ZNF701: variants seen among roughly 807,000 people sequenced by gnomAD.
The protein encoded by ZNF701 is zinc finger protein 701.
In ZNF701, 6 loss-of-function variants were observed where a neutral mutation model predicts 7.1. That is an observed-to-expected ratio of 0.84 (90% confidence interval 0.46 to 1.66). ZNF701 has a LOEUF of 1.66. ZNF701 is among the 40% of genes most tolerant of loss of function. The pLI is 0.01. For missense variants in ZNF701, 541 were observed against 559.2 expected, an observed-to-expected ratio of 0.97 and a Z score of 0.33; for synonymous variants, 166 against 188.2, an observed-to-expected ratio of 0.88 and a Z score of 0.97.
At position 52,574,114 on chromosome 19, in the gene ZNF701, A is replaced by C; in HGVS notation, c.-34A>C. The C allele has an allele frequency of 1.2e-6, 2 of 1,612,402 alleles. No homozygotes were observed. Among genetic ancestry groups the C allele is most frequent in the Non-Finnish European group, 1.7e-6 (2 of 1,179,344 alleles). On this transcript the variant is annotated 5_prime_UTR_variant, in exon 2 of 4. Coordinates refer to ENST00000391785, the MANE Select transcript of ZNF701 (RefSeq NM_018260.3). ...AAGACTTGGTACGTGAGGAAAAAAC[A>C]CGGAAGAGGAAGAGGAAAGCAAAGG... is the stretch of plus-strand genomic sequence containing the variant.
At position 52,585,310 on chromosome 19, in the gene ZNF701, A is replaced by G. The variant is rs376745529; in HGVS notation, c.*1853A>G. The G allele has an allele frequency of 4.2e-3, 642 of 151,782 alleles. 4 individuals carry two copies. Among genetic ancestry groups the G allele is most frequent in the African/African-American group, 0.013 (522 of 41,264 alleles). 9.4% of individuals were successfully genotyped at this position (151,782 alleles called of 1,614,324 possible). A position where few individuals can be genotyped will look rare whatever the true frequency, so the allele number is the denominator to read the frequency against. On this transcript the variant is annotated 3_prime_UTR_variant, in exon 4 of 4. Transcript: ENST00000391785. Reference sequence around the variant, plus strand: ...GCCTGGAGGGCAGCGCTGCAGCCCCACTCCCGGGAAGGCCGCGTCCTCTGC... The same window carrying G: ...GCCTGGAGGGCAGCGCTGCAGCCCCGCTCCCGGGAAGGCCGCGTCCTCTGC...
At chr19:52,571,239 A>G (rs1346523900) in intron 1 of ZNF701, among the ~76,000 whole-genome samples, 1 of 151,484 alleles carries the variant, frequency 6.6e-6, no homozygotes, top group East Asian at 1.9e-4. Context: ...AGAGTGAGAG[A>G]GAGAGAGAGA....
At chr19:52,587,331 C>T (rs1173041800), downstream of ZNF701, among the ~76,000 whole-genome samples, 1 of 152,138 alleles carries the variant, frequency 6.6e-6, no homozygotes. Context: ...GACTTCATCT[C>T]CTGCCTGTGT....
Position 52,583,744 on chromosome 19 carries a change from C to G in ZNF701, c.*287C>G, listed in dbSNP as rs2059991953. ...TGTGGCAGAGCCTTTGGTGGTCAGT[C>G]AACACTTACTCACCATCAAGCAATC... is the stretch of plus-strand genomic sequence containing the variant. On this transcript the variant is annotated 3_prime_UTR_variant, in exon 4 of 4. Transcript: ENST00000391785. 1 of 697,790 alleles carries G rather than the reference C, an allele frequency of 1.4e-6. No individual in the cohort carries two copies. Among genetic ancestry groups the G allele is most frequent in the Non-Finnish European group, 2.6e-6 (1 of 387,714 alleles). The allele number at this position is 697,790 out of a possible 1,614,324, so 43.2% of individuals were successfully genotyped here.
chr19:52,587,698 G>C (rs147217514), downstream of ZNF701, among the ~76,000 whole-genome samples: 704 of 152,300 alleles, frequency 4.6e-3, 4 homozygotes, highest in Admixed American at 7.4e-3. Flanking sequence ...GGGCTGTGCT[G>C]GGCTGGCGCC....
At position 52,575,900 on chromosome 19, in the gene ZNF701, A is replaced by G. The variant is rs1202497298; in HGVS notation, c.21A>G (p.Leu7=). The G allele has an allele frequency of 6.6e-7, 1 of 1,515,386 alleles. No individual in the cohort carries two copies. The highest frequency in any genetic ancestry group is 8.9e-7 in the Non-Finnish European group (1 of 1,125,312). The allele number at this position is 1,515,386 out of a possible 1,614,324, so 93.9% of individuals were successfully genotyped here. Residue 7 remains leucine (L), a synonymous_variant, in exon 3 of 4, where the codon CTA becomes CTG. Coordinates refer to ENST00000391785, the MANE Select transcript of ZNF701 (RefSeq NM_018260.3). ...AAAATGTGTTTTCCTTTCAGGGTCTACTGACATTCAGGGATGTGGCCATAG... is the reference window on the plus strand; with the variant it reads ...AAAATGTGTTTTCCTTTCAGGGTCTGCTGACATTCAGGGATGTGGCCATAG... The part of the protein sequence containing the change: MALLQG[L]LTFRDVAIEF...
intron 3 of ZNF701, among the ~76,000 whole-genome samples, chr19:52,580,953 A>G (rs967091044): frequency 5.0e-5 from 4 of 79,334 alleles, no homozygotes; most frequent in African/African-American, 1.2e-4. Flanking sequence ...GTGAAACCCC[A>G]TCTCTACTAA....
chr19:52,595,692 C>A, the ZNF701 span: 3 of 1,421,388 alleles, frequency 2.1e-6, no homozygotes, highest in African/African-American at 2.8e-5. Flanking sequence ...CACACAGGGA[C>A]GTTGCAAATA....
In ZNF701 at chr19:52,583,164, C is replaced by G; in HGVS notation, c.1105C>G (p.Leu369Val). The G allele has an allele frequency of 1.2e-6, 2 of 1,613,610 alleles. No individual in the cohort carries two copies. The highest frequency in any genetic ancestry group is 1.7e-6 in the Non-Finnish European group (2 of 1,179,812). The stretch of plus-strand genomic sequence containing the variant: ...CAAGGCTTTCAGACGTGATTCACAC[C>G]TGGCACAACATACTGTAATTCACAC... ...CDKAFRRDSH[L>V]AQHTVIHTGE... Residue 369 changes from leucine (L) to valine (V), a missense_variant, in exon 4 of 4, where the codon CTG (leucine) becomes GTG (valine). By Grantham distance (32) the Leu-to-Val change is conservative (BLOSUM62 1). Coordinates refer to ENST00000391785, the MANE Select transcript of ZNF701 (RefSeq NM_018260.3).
intron 1 of ZNF701, among the ~76,000 whole-genome samples, chr19:52,571,972 T>A (rs143079183): frequency 6.6e-6 from 1 of 151,946 alleles, no homozygotes; most frequent in African/African-American, 2.4e-5. Context: ...TACAGGCATG[T>A]GCCACCACAC....
the ZNF701 span, chr19:52,595,865 G>A: frequency 1.9e-5 from 30 of 1,612,872 alleles, no homozygotes; most frequent in Non-Finnish European, 2.4e-5. Flanking sequence ...TCAAAGACAT[G>A]CTGGAAACAA....
chr19:52,596,830 A>T, the ZNF701 span: 1 of 543,580 alleles, frequency 1.8e-6, no homozygotes, highest in Non-Finnish European at 3.8e-6. Context: ...CACACCTTGC[A>T]TGTCATCATA....
rs1162663946 is a variant in ZNF701, at chr19:52,582,710, T to A, written c.651T>A (p.Arg217=). The A allele has an allele frequency of 6.2e-7, 1 of 1,614,130 alleles. No homozygotes were observed. Among genetic ancestry groups the A allele is most frequent in the African/African-American group, 1.3e-5 (1 of 75,028 alleles). ...ACACAAGAGAAAAATCTTTCCAACG[T>A]AATGAGAGTGGCAAAGCCTTTAATG... ...EVHTREKSFQ[R]NESGKAFNGS... Residue 217 remains arginine, a synonymous_variant, in exon 4 of 4, where the codon CGT becomes CGA. Coordinates refer to ENST00000391785, the MANE Select transcript of ZNF701 (RefSeq NM_018260.3).
chr19:52,592,145 A>C, downstream of ZNF701: 2 of 1,425,282 alleles, frequency 1.4e-6, no homozygotes, highest in East Asian at 2.3e-5. Flanking sequence ...TTCTCTTTGG[A>C]GGAGTGGAAA....
the ZNF701 span, chr19:52,596,174 G>A: frequency 7.9e-5 from 53 of 667,600 alleles, 1 homozygote; most frequent in Middle Eastern, 5.5e-4. Context: ...GAGACATCAC[G>A]TAACCCATTC....
chr19:52,582,461 A>G lies in ZNF701; in HGVS notation c.402A>G (p.Lys134=). The change falls in exon 4 of 4, where the codon AAA becomes AAG. Residue 134 remains lysine, a synonymous_variant. Transcript: ENST00000391785. ...ERHDQRHAGN[K]PIKNELGSSF... ...ATGATCAAAGGCATGCTGGAAACAA[A>G]CCTATTAAAAATGAGCTTGGATCAA... is the stretch of plus-strand genomic sequence containing the variant. 1.2e-6 allele frequency: 2 copies of G among 1,614,188 alleles called. No homozygotes were observed. The highest frequency in any genetic ancestry group is 1.7e-6 in the Non-Finnish European group (2 of 1,180,038).
intron 3 of ZNF701, among the ~76,000 whole-genome samples, chr19:52,578,439 A>G (rs1017103602): frequency 4.6e-5 from 7 of 152,190 alleles, no homozygotes; most frequent in Admixed American, 2.6e-4. Context: ...CTTGTATGCA[A>G]TAAATATCAG....
intron 3 of ZNF701, among the ~76,000 whole-genome samples, chr19:52,578,832 A>T (rs2059955277): frequency 6.6e-6 from 1 of 152,092 alleles, no homozygotes; most frequent in Non-Finnish European, 1.5e-5. Context: ...ATCTCGGCTC[A>T]CTGCAAGCTC....
chr19:52,578,788 T>C (rs8111002), intron 3 of ZNF701, among the ~76,000 whole-genome samples: 34 of 152,284 alleles, frequency 2.2e-4, no homozygotes, highest in East Asian at 1.2e-3. Context: ...AACGGAGTCT[T>C]GCTCTGTCGC....
Sources: gnomAD v4.1 joint callset for allele counts (sites outside exome capture counted in the v4.1 genomes callset) on GRCh38, gnomAD v4.1.1 for gene constraint, MANE v1.5 for transcripts, NCBI Gene and HGNC (gene_info 2026-07-23, HGNC 2026-07-21) for gene names.